RBBP5: variants seen among roughly 807,000 people sequenced by gnomAD.
The protein encoded by RBBP5 is RB binding protein 5, histone lysine methyltransferase complex subunit.
In RBBP5, 5 loss-of-function variants were observed where a neutral mutation model predicts 72.2. The ratio of observed to expected loss-of-function variants is 0.07; its 90% CI spans 0.04 to 0.15. The LOEUF (loss-of-function observed/expected upper bound fraction) is 0.15. Ranked by LOEUF, RBBP5 falls within the 10% of genes least tolerant of loss-of-function variation. The probability of loss-of-function intolerance (pLI) is 1.00; values close to 1 mark genes in which losing one functional copy is unlikely to be tolerated. For missense variants in RBBP5, 322 were observed against 652.2 expected (o/e 0.49, Z 5.51); for synonymous variants, 209 against 237.2 (o/e 0.88, Z 1.09).
In RBBP5 at chr1:205,116,022, C is replaced by T. The variant is rs758114710; in HGVS notation, c.20-139G>A. 34 of 1,559,502 alleles carry T rather than the reference C, an allele frequency of 2.2e-5. No homozygotes were observed. The African/African-American group carries it at 3.7e-4, about 17-fold the overall frequency. On this transcript the variant is annotated intron_variant, in intron 1 of 13. Transcript: ENST00000264515. ...CTTTCAGGCATTCCATGAGGCCATA[C>T]GGATTTTCAAGATCCTGCTAAGATG...
In RBBP5 at chr1:205,103,839, G is replaced by T. The variant is rs374979940; in HGVS notation, c.522+18C>A. 2.4e-5 allele frequency: 39 copies of T among 1,602,204 alleles called. No homozygotes were observed. Among genetic ancestry groups the T allele is most frequent in the Admixed American group, 2.3e-4 (14 of 59,854 alleles). On this transcript the variant is annotated intron_variant, in intron 5 of 13. Coordinates refer to ENST00000264515, the MANE Select transcript of RBBP5 (RefSeq NM_005057.4). ...AGCCAGTGTACAAGATGCCTGATTT[G>T]CCAGCTTTTAGGCTTACCTTGCCTT...
intron 1 of RBBP5, among the ~76,000 whole-genome samples, chr1:205,120,299 A>G (rs1656686235): frequency 6.6e-6 from 1 of 152,040 alleles, no homozygotes; most frequent in Admixed American, 6.6e-5. Context: ...AAATCCTTCA[A>G]TGGATCTACC....
intron 13 of RBBP5, among the ~76,000 whole-genome samples, chr1:205,090,910 A>G (rs1655320821): frequency 6.6e-6 from 1 of 152,162 alleles, no homozygotes; most frequent in South Asian, 2.1e-4. Context: ...AGAGAGAAAA[A>G]AAGAAAACAA....
intron 12 of RBBP5, among the ~76,000 whole-genome samples, chr1:205,095,308 G>A (rs1286314584): frequency 4.6e-5 from 7 of 152,102 alleles, no homozygotes; most frequent in African/African-American, 9.7e-5. Flanking sequence ...GGCTACATGC[G>A]GCCTAGGACA....
chr1:205,119,578 T>C (rs1165906879), intron 1 of RBBP5, among the ~76,000 whole-genome samples: 2 of 152,100 alleles, frequency 1.3e-5, no homozygotes, highest in Non-Finnish European at 2.9e-5. Context: ...CCCACACCAT[T>C]CTAAAATCAT....
chr1:205,113,848 C>A (rs12239712), intron 3 of RBBP5, among the ~76,000 whole-genome samples: 2 of 151,760 alleles, frequency 1.3e-5, no homozygotes, highest in South Asian at 2.1e-4. Flanking sequence ...ACATGCCTGG[C>A]GAATTTTTGT....
chr1:205,104,784 G>A (rs1558576815), intron 4 of RBBP5, among the ~76,000 whole-genome samples: 1 of 152,106 alleles, frequency 6.6e-6, no homozygotes, highest in Non-Finnish European at 1.5e-5. Context: ...GGTTGTGTGA[G>A]CCAAGATGGC....
At chr1:205,115,990 T>C (rs1656503886) in intron 1 of RBBP5, 107 bp from the exon 2 acceptor site, 2 of 1,609,956 alleles carry the variant, frequency 1.2e-6, no homozygotes, top group African/African-American at 2.7e-5. Context: ...AAGGGGGATA[T>C]GATGCCCTTT....
At chr1:205,112,796 T>C (rs1323643612) in intron 3 of RBBP5, among the ~76,000 whole-genome samples, 1 of 152,122 alleles carries the variant, frequency 6.6e-6, no homozygotes, top group South Asian at 2.1e-4. Flanking sequence ...ATACAGAATA[T>C]AGCACAATTA....
Position 205,086,704 on chromosome 1 carries a change from C to CAG in RBBP5, c.*2082_*2083insCT, listed in dbSNP as rs1209681211. ...CAAAAACATAAATAATTATTAGGAG[C>CAG]TACTGCCAGAGACAATCTGACAGGG... On this transcript the variant is annotated 3_prime_UTR_variant, in exon 14 of 14. Transcript: ENST00000264515. 1.3e-5 allele frequency: 2 copies of CAG among 152,042 alleles called. No individual in the cohort carries two copies. The highest frequency in any genetic ancestry group is 4.8e-5 in the African/African-American group (2 of 41,380). The allele number at this position is 152,042 out of a possible 1,614,324, so 9.4% of individuals were successfully genotyped here.
At chr1:205,119,114 TG>T (rs549098373) in intron 1 of RBBP5, among the ~76,000 whole-genome samples, 83 of 152,278 alleles carry the variant, frequency 5.5e-4, no homozygotes, top group Middle Eastern at 6.8e-3. Flanking sequence ...CCTTCCTGGC[TG>T]GGCACAGTGG....
At chr1:205,103,631 T>G (rs373065616) in intron 5 of RBBP5, among the ~76,000 whole-genome samples, 1 of 152,194 alleles carries the variant, frequency 6.6e-6, no homozygotes, top group Non-Finnish European at 1.5e-5. Flanking sequence ...ATTACTAGCA[T>G]CCAGTAAAGG....
At chr1:205,101,035 T>C (rs1655798893) in intron 6 of RBBP5, among the ~76,000 whole-genome samples, 2 of 152,318 alleles carry the variant, frequency 1.3e-5, no homozygotes, top group South Asian at 4.1e-4. Flanking sequence ...GTGGTAATGC[T>C]CACCTCCAGC....
chr1:205,115,377 G>A (rs1441373773), intron 2 of RBBP5, among the ~76,000 whole-genome samples: 1 of 151,878 alleles, frequency 6.6e-6, no homozygotes. Flanking sequence ...AAAAACCCTG[G>A]AATAGCCTAC....
At chr1:205,098,865 GT>G in intron 10 of RBBP5, 123 bp downstream of exon 10, 1 of 431,266 alleles carries the variant, frequency 2.3e-6, no homozygotes, top group Admixed American at 4.6e-5. Context: ...AAAAAAAAAA[GT>G]GTGGGGTGGA....
chr1:205,094,959 G>C lies in RBBP5; in HGVS notation c.1502C>G (p.Pro501Arg), dbSNP rs756967326. 3 of 1,614,086 alleles carry C rather than the reference G, an allele frequency of 1.9e-6. No homozygotes were observed. Among genetic ancestry groups the C allele is most frequent in the Non-Finnish European group, 2.5e-6 (3 of 1,180,032 alleles). Residue 501 changes from proline to arginine, a missense_variant, in exon 13 of 14, where the codon CCG (proline) becomes CGG (arginine). By Grantham distance (103) the Pro-to-Arg change is moderately radical. Transcript: ENST00000264515. Reference sequence around the variant, plus strand: ...ACCTCTGTCCCCTTTGTAGAGTTTCGGTTTAAATGGAGAATCTTTCTCTTT... The same window carrying C: ...ACCTCTGTCCCCTTTGTAGAGTTTCCGTTTAAATGGAGAATCTTTCTCTTT... ...KGKEKDSPFKPKLYKGDRGLP... is the reference protein window; with the variant it reads ...KGKEKDSPFKRKLYKGDRGLP...
At chr1:205,095,888 G>C (rs971232552) in intron 12 of RBBP5, among the ~76,000 whole-genome samples, 1 of 152,198 alleles carries the variant, frequency 6.6e-6, no homozygotes, top group Non-Finnish European at 1.5e-5. Flanking sequence ...GTGATCTGCA[G>C]TTAGCTAAAA....
Position 205,110,164 on chromosome 1 carries a change from C to T in RBBP5, c.218+4625G>A, listed in dbSNP as rs530686714. On this transcript the variant is annotated intron_variant, in intron 3 of 13. Transcript: ENST00000264515. ...CCTCCCGAGTAGCTGGGATTACAGG[C>T]GCATGTCACCGCACCCAGCTAATTT... Among the ~76,000 whole-genome samples, 25 of 152,002 alleles carry T rather than the reference C, an allele frequency of 1.6e-4. No individual in the cohort carries two copies. The South Asian group carries it at 4.8e-3, about 29-fold the overall frequency.
chr1:205,121,790 C>A (rs200031740), intron 1 of RBBP5, 65 bp downstream of exon 1: 30 of 1,608,990 alleles, frequency 1.9e-5, no homozygotes, highest in Non-Finnish European at 2.5e-5. Flanking sequence ...GACTCCCCTC[C>A]CGCCTGGGTT....
Sources: gnomAD v4.1 joint callset for allele counts (sites outside exome capture counted in the v4.1 genomes callset) on GRCh38, gnomAD v4.1.1 for gene constraint, MANE v1.5 for transcripts, NCBI Gene and HGNC (gene_info 2026-07-23, HGNC 2026-07-21) for gene names.